The following NXPE2 variants were observed in gnomAD, a reference collection of about 807,000 sequenced individuals.
NXPE2 encodes the protein neurexophilin and PC-esterase domain family member 2.
NXPE2 carries 34 observed loss-of-function variants against 34.4 expected under a neutral mutation model. The ratio of observed to expected loss-of-function variants is 0.99; its 90% CI spans 0.75 to 1.31. The LOEUF (loss-of-function observed/expected upper bound fraction) is 1.31. NXPE2 is among the 40% of genes most tolerant of loss of function. The pLI is 0.00. For synonymous variants in NXPE2, 235 were observed against 231.3 expected (o/e 1.02, Z -0.15); for missense variants, 649 against 672.5 (o/e 0.97, Z 0.39).
At chr11:114,509,753 C>A in the NXPE2 span, among the ~76,000 whole-genome samples, 2 of 152,086 alleles carry the variant, frequency 1.3e-5, no homozygotes, top group African/African-American at 4.8e-5. Context: ...GGGGACAACA[C>A]ACACAGGGGC....
chr11:114,521,541 T>C, the NXPE2 span: 3 of 154,854 alleles, frequency 1.9e-5, no homozygotes, highest in South Asian at 6.1e-4. Flanking sequence ...ATGCCTCTTT[T>C]CTTTTATTGA....
the NXPE2 span, among the ~76,000 whole-genome samples, chr11:114,636,450 G>T: frequency 6.6e-6 from 1 of 151,916 alleles, no homozygotes; most frequent in Admixed American, 6.6e-5. Context: ...GGTTTTTTGT[G>T]TCTCTATTTC....
chr11:114,527,922 A>G, the NXPE2 span: 13 of 1,578,326 alleles, frequency 8.2e-6, no homozygotes, highest in Non-Finnish European at 8.7e-6. Context: ...AAAATAGAAC[A>G]ATAAATTAGC....
the NXPE2 span, among the ~76,000 whole-genome samples, chr11:114,633,952 A>T: frequency 2.0e-5 from 3 of 152,030 alleles, no homozygotes; most frequent in Non-Finnish European, 4.4e-5. Flanking sequence ...TAGCAGCATG[A>T]TTTATAGCCC....
chr11:114,659,792 A>T, the NXPE2 span, among the ~76,000 whole-genome samples: 148 of 152,210 alleles, frequency 9.7e-4, 1 homozygote, highest in African/African-American at 3.4e-3. Context: ...ATTAAACCCA[A>T]AGTAAGCAGA....
At chr11:114,509,102 A>G in the NXPE2 span, among the ~76,000 whole-genome samples, 1 of 152,250 alleles carries the variant, frequency 6.6e-6, no homozygotes, top group Non-Finnish European at 1.5e-5. Context: ...GGACATGAAG[A>G]GACACTTTTC....
At chr11:114,640,065 AAATAT>A in the NXPE2 span, among the ~76,000 whole-genome samples, 5,261 of 118,628 alleles carry the variant, frequency 0.044, 436 homozygotes, top group African/African-American at 0.16. Flanking sequence ...AATTTATTTA[AAATAT>A]AATATATAAT....
Position 114,698,148 on chromosome 11 carries a change from A to G in NXPE2, c.236A>G (p.Glu79Gly). Residue 79 changes from glutamate (E) to glycine (G), a missense_variant, in exon 3 of 6, where the codon GAG becomes GGG. Transcript: ENST00000389586. ...TPLCPAVSPK[E>G]TELRIKDIME... ...CTGTGTCCAGCAGTTTCACCAAAAGAGACTGAACTTAGAATAAAGGACATT... is the reference window on the plus strand; with the variant it reads ...CTGTGTCCAGCAGTTTCACCAAAAGGGACTGAACTTAGAATAAAGGACATT... 6.2e-7 allele frequency: 1 copy of G among 1,614,200 alleles called. No individual in the cohort carries two copies.
At chr11:114,755,119 A>G in the NXPE2 span, among the ~76,000 whole-genome samples, 1 of 152,196 alleles carries the variant, frequency 6.6e-6, no homozygotes, top group African/African-American at 2.4e-5. Flanking sequence ...TAACTCTATC[A>G]TAGTGTTTTG....
the NXPE2 span, among the ~76,000 whole-genome samples, chr11:114,752,312 A>T: frequency 1.3e-5 from 2 of 152,238 alleles, no homozygotes; most frequent in East Asian, 3.8e-4. Context: ...GAGGCAGTGC[A>T]CTGTCAGTTC....
the NXPE2 span, chr11:114,530,176 T>G: frequency 6.3e-7 from 1 of 1,599,248 alleles, no homozygotes; most frequent in Non-Finnish European, 8.5e-7. Flanking sequence ...TATACTCACC[T>G]GTGGAAAAGG....
the NXPE2 span, among the ~76,000 whole-genome samples, chr11:114,577,472 A>G: frequency 6.6e-6 from 1 of 152,148 alleles, no homozygotes; most frequent in Non-Finnish European, 1.5e-5. Flanking sequence ...CGATGGGTGC[A>G]TCAAAATCTC....
At chr11:114,634,311 TTTG>T in the NXPE2 span, among the ~76,000 whole-genome samples, 1 of 152,092 alleles carries the variant, frequency 6.6e-6, no homozygotes, top group Admixed American at 6.6e-5. Flanking sequence ...GATAGAGTTG[TTTG>T]TTATTTTCTT....
At chr11:114,491,602 G>A in the NXPE2 span, among the ~76,000 whole-genome samples, 1 of 152,136 alleles carries the variant, frequency 6.6e-6, no homozygotes, top group Non-Finnish European at 1.5e-5. Context: ...TCAGTGTGGC[G>A]ATTCCTCAGG....
chr11:114,742,619 G>GATTTT, the NXPE2 span, among the ~76,000 whole-genome samples: 1 of 18,190 alleles, frequency 5.5e-5, no homozygotes, highest in Admixed American at 1.0e-3. Flanking sequence ...TTTATTCTTG[G>GATTTT]ATTTTTTTTT....
the NXPE2 span, among the ~76,000 whole-genome samples, chr11:114,484,145 G>A: frequency 4.6e-5 from 7 of 152,146 alleles, no homozygotes; most frequent in Admixed American, 3.9e-4. Flanking sequence ...ATGTGACTCA[G>A]CAGCTCTCCT....
chr11:114,552,786 A>G, the NXPE2 span: 1 of 685,184 alleles, frequency 1.5e-6, no homozygotes, highest in Non-Finnish European at 1.8e-6. Context: ...ACTTTTATAA[A>G]TCTTAGATTC....
At chr11:114,522,380 T>C in the NXPE2 span, 5 of 1,614,028 alleles carry the variant, frequency 3.1e-6, no homozygotes, top group South Asian at 4.4e-5. Context: ...TATCAGAGAG[T>C]AGAGCTGGAA....
the NXPE2 span, among the ~76,000 whole-genome samples, chr11:114,801,437 G>T: frequency 1.3e-5 from 2 of 152,216 alleles, no homozygotes; most frequent in African/African-American, 4.8e-5. Context: ...TGGAGAGATG[G>T]ACAGGGGACA....
Sources: gnomAD v4.1 joint callset for allele counts (sites outside exome capture counted in the v4.1 genomes callset) on GRCh38, gnomAD v4.1.1 for gene constraint, MANE v1.5 for transcripts, NCBI Gene and HGNC (gene_info 2026-07-23, HGNC 2026-07-21) for gene names.